Variants in GNG7 observed in about 807,000 individuals in gnomAD.
GNG7 encodes G protein subunit gamma 7.
Under a neutral mutation model 4.0 loss-of-function variants are expected in GNG7, and 1 was observed. The ratio of observed to expected loss-of-function variants is 0.25; its 90% CI spans 0.09 to 1.18. GNG7 has a LOEUF of 1.18. Among genes scored for constraint, GNG7 ranks in the 50% most tolerant of loss-of-function variants. The probability of loss-of-function intolerance (pLI) is 0.50; values close to 1 mark genes in which losing one functional copy is unlikely to be tolerated. For synonymous variants in GNG7, 34 were observed against 36.9 expected, an observed-to-expected ratio of 0.92 and a Z score of 0.29; for missense variants, 86 against 91.9, an observed-to-expected ratio of 0.94 and a Z score of 0.26.
chr19:2,645,642 G>C (rs1982645638), intron 2 of GNG7, among the ~76,000 whole-genome samples: 1 of 152,136 alleles, frequency 6.6e-6, no homozygotes, highest in Non-Finnish European at 1.5e-5. Context: ...CCACGTCCCT[G>C]GCAAGTCTCT....
At position 2,616,251 on chromosome 19, in the gene GNG7, T is replaced by C. The variant is rs567090038; in HGVS notation, c.-78+29973A>G. Among the ~76,000 whole-genome samples the C allele has an allele frequency of 1.1e-3, 168 of 152,084 alleles. 2 individuals are homozygous for C. The highest frequency in any genetic ancestry group is 1.8e-3 in the Non-Finnish European group (121 of 67,998). On this transcript the variant is annotated intron_variant, in intron 2 of 4. Coordinates refer to ENST00000382159, the MANE Select transcript of GNG7 (RefSeq NM_052847.3). ...TAGTGAGACCCCATCTCTAATTTATTATTATTATTTTGAGCCGGAGTCTCG... is the reference window on the plus strand; with the variant it reads ...TAGTGAGACCCCATCTCTAATTTATCATTATTATTTTGAGCCGGAGTCTCG...
In GNG7 at chr19:2,657,364, ATATAT is replaced by A. The variant is rs1983020525; in HGVS notation, c.-134-11089_-134-11085del. On this transcript the variant is annotated intron_variant, in intron 1 of 4. Coordinates refer to ENST00000382159, the MANE Select transcript of GNG7 (RefSeq NM_052847.3). Reference sequence around the variant, plus strand: ...AAAAAAAAAAAAAAAAAAAAAAAATATATATATATATATATATATATATATATATA... The same window carrying A: ...AAAAAAAAAAAAAAAAAAAAAAAATAATATATATATATATATATATATATA... Among the ~76,000 whole-genome samples, 20 of 17,436 alleles carry A rather than the reference ATATAT, an allele frequency of 1.1e-3. 1 individual carries two copies. Among genetic ancestry groups the A allele is most frequent in the African/African-American group, 1.5e-3 (8 of 5,256 alleles). The allele number at this position is 17,436 out of a possible 152,430, so 11.4% of individuals were successfully genotyped here.
At chr19:2,578,486 A>G (rs1482348443) in intron 2 of GNG7, among the ~76,000 whole-genome samples, 1 of 152,250 alleles carries the variant, frequency 6.6e-6, no homozygotes, top group Non-Finnish European at 1.5e-5. Context: ...CTCCAGCCAC[A>G]AGCAAGAGAC....
chr19:2,669,512 C>T (rs964500198), intron 1 of GNG7, among the ~76,000 whole-genome samples: 1 of 151,868 alleles, frequency 6.6e-6, no homozygotes, highest in East Asian at 1.9e-4. Context: ...CAAAAACAAA[C>T]ACAAACAAAC....
intron 1 of GNG7, among the ~76,000 whole-genome samples, chr19:2,655,873 T>TATATATATATATATATATATATAA (rs1398098319): frequency 2.1e-5 from 2 of 96,402 alleles, no homozygotes; most frequent in African/African-American, 8.2e-5. Context: ...CATATATATA[T>TATATATATATATATATATATATAA]AAATTAGCCA....
At chr19:2,680,861 G>A (rs1165722210) in intron 1 of GNG7, among the ~76,000 whole-genome samples, 1 of 152,040 alleles carries the variant, frequency 6.6e-6, no homozygotes, top group Non-Finnish European at 1.5e-5. Flanking sequence ...CTGGAGTGCG[G>A]TGGTGTGATC....
rs1006476352 is a variant in GNG7 at position 2,617,598 on chromosome 19, A to G, written c.-78+28626T>C. Among the ~76,000 whole-genome samples the G allele has an allele frequency of 3.3e-5, 5 of 151,954 alleles. No individual in the cohort carries two copies. The highest frequency in any genetic ancestry group is 2.1e-4 in the South Asian group (1 of 4,808). On this transcript the variant is annotated intron_variant, in intron 2 of 4. Coordinates refer to ENST00000382159, the MANE Select transcript of GNG7 (RefSeq NM_052847.3). The surrounding 1 kb of genome is among the most constrained non-coding windows in gnomAD (Gnocchi z 4.7). The stretch of plus-strand genomic sequence containing the variant: ...CGGAATGTCCTTCCTCCTGCCTTCA[A>G]TGCTCCTCCCCATCCTGCAGGGGTT...
intron 1 of GNG7, among the ~76,000 whole-genome samples, chr19:2,663,198 T>C (rs1357860360): frequency 6.6e-6 from 1 of 152,102 alleles, no homozygotes; most frequent in Non-Finnish European, 1.5e-5. Context: ...TTTGAATGTG[T>C]CTCCCAAAAA....
intron 2 of GNG7, among the ~76,000 whole-genome samples, chr19:2,607,855 C>T (rs1981439143): frequency 6.6e-6 from 1 of 152,048 alleles, no homozygotes; most frequent in African/African-American, 2.4e-5. Flanking sequence ...AACGACACGG[C>T]ACGGAGGCTT....
At chr19:2,533,596 T>C (rs1186191977) in intron 3 of GNG7, among the ~76,000 whole-genome samples, 1 of 152,008 alleles carries the variant, frequency 6.6e-6, no homozygotes, top group Non-Finnish European at 1.5e-5. Flanking sequence ...CAAACAAAAA[T>C]CAACAAACAA....
chr19:2,564,330 C>G (rs980065998), intron 2 of GNG7, among the ~76,000 whole-genome samples: 1 of 151,922 alleles, frequency 6.6e-6, no homozygotes, highest in African/African-American at 2.4e-5. Flanking sequence ...CCTGTAAACC[C>G]AGAACTTTGG....
intron 2 of GNG7, among the ~76,000 whole-genome samples, chr19:2,575,574 G>GAC (rs1555695078): frequency 1.4e-5 from 1 of 73,364 alleles, no homozygotes; most frequent in African/African-American, 7.2e-5. Context: ...GGCACACGCA[G>GAC]ACACGCAGGC....
intron 1 of GNG7, among the ~76,000 whole-genome samples, chr19:2,654,337 AC>A (rs1308634390): frequency 6.6e-6 from 1 of 151,542 alleles, no homozygotes; most frequent in Non-Finnish European, 1.5e-5. Flanking sequence ...CCCCCTCCCA[AC>A]CCCCAGGCAC....
intron 2 of GNG7, among the ~76,000 whole-genome samples, chr19:2,637,851 C>CCG (rs1982357455): frequency 6.6e-6 from 1 of 150,378 alleles, no homozygotes. Flanking sequence ...TGAGACCCCC[C>CCG]GGGTTAGGGG....
chr19:2,692,811 C>G (rs1913164686), intron 1 of GNG7, among the ~76,000 whole-genome samples: 1 of 151,110 alleles, frequency 6.6e-6, no homozygotes. Context: ...CACAGCAAGA[C>G]CCGGTCTCTA....
In GNG7 at chr19:2,575,537, ACAGG is replaced by A. The variant is rs1347088885; in HGVS notation, c.-77-20353_-77-20350del. Among the ~76,000 whole-genome samples the A allele has an allele frequency of 5.0e-5, 7 of 140,962 alleles. No individual in the cohort carries two copies. In the East Asian group the frequency reaches 1.3e-3, roughly 25 times the overall value. The allele number at this position is 140,962 out of a possible 152,430, so 92.5% of individuals were successfully genotyped here. On this transcript the variant is annotated intron_variant, in intron 2 of 4. Transcript: ENST00000382159. ...TGCAGACACACGCAGGCACACGCAG[ACAGG>A]CAGGCACACGCAGACACACGCAGGC...
intron 1 of GNG7, among the ~76,000 whole-genome samples, chr19:2,651,841 C>A (rs1017048204): frequency 3.3e-5 from 5 of 151,660 alleles, no homozygotes; most frequent in Non-Finnish European, 5.9e-5. Context: ...GCTGGGATGA[C>A]ACGCATGAGC....
At chr19:2,625,166 TCAAG>T (rs954101626) in intron 2 of GNG7, among the ~76,000 whole-genome samples, 5 of 152,284 alleles carry the variant, frequency 3.3e-5, no homozygotes, top group African/African-American at 1.2e-4. Flanking sequence ...CCTCCCGGGT[TCAAG>T]CAATCCTCCT....
chr19:2,599,088 G>C (rs901394518), intron 2 of GNG7, among the ~76,000 whole-genome samples: 1 of 152,176 alleles, frequency 6.6e-6, no homozygotes, highest in Non-Finnish European at 1.5e-5. Flanking sequence ...CAATGTCACC[G>C]GGCTGTGCTA....
Sources: allele counts gnomAD v4.1 joint callset (sites outside exome capture counted in the v4.1 genomes callset), GRCh38; gene constraint gnomAD v4.1.1; non-coding constraint Gnocchi (gnomAD v3.1); transcripts MANE v1.5; gene names NCBI Gene and HGNC (gene_info 2026-07-23, HGNC 2026-07-21).